ARHGEF3: variants seen among roughly 807,000 people sequenced by gnomAD.
ARHGEF3 encodes 59.8 kDA protein.
ARHGEF3 carries 28 observed loss-of-function variants against 63.2 expected under a neutral mutation model. That is an observed-to-expected ratio of 0.44 (90% confidence interval 0.33 to 0.61). The LOEUF is 0.61. Among genes scored for constraint, ARHGEF3 ranks in the 20% least tolerant of loss-of-function variants. The probability of loss-of-function intolerance (pLI) is 0.03; values close to 1 mark genes in which losing one functional copy is unlikely to be tolerated. For synonymous variants in ARHGEF3, 266 were observed against 254.2 expected (o/e 1.05, Z -0.44); for missense variants, 533 against 659.3 (o/e 0.81, Z 2.10).
At chr3:56,791,634 G>C (rs569119498) in intron 1 of ARHGEF3, among the ~76,000 whole-genome samples, 5 of 152,262 alleles carry the variant, frequency 3.3e-5, no homozygotes, top group African/African-American at 1.2e-4. Context: ...CAGAGAGACA[G>C]TGCTGCTTAT....
Position 56,943,614 on chromosome 3 carries a change from T to C in ARHGEF3, c.129+15209A>G, listed in dbSNP as rs1699300748. Reference sequence around the variant, plus strand: ...CATTTTGACTTTCAAGTTTGTTATTTAAAAAATACATCTCTTTAGGTCAGG... The same window carrying C: ...CATTTTGACTTTCAAGTTTGTTATTCAAAAAATACATCTCTTTAGGTCAGG... On this transcript the variant is annotated intron_variant, in intron 3 of 12. Transcript: ENST00000338458. Among the ~76,000 whole-genome samples the C allele has an allele frequency of 3.3e-5, 5 of 152,250 alleles. No individual in the cohort carries two copies. The South Asian group carries it at 1.0e-3, about 32-fold the overall frequency.
intron 3 of ARHGEF3, among the ~76,000 whole-genome samples, chr3:56,882,769 A>C (rs1578753486): frequency 6.6e-6 from 1 of 152,052 alleles, no homozygotes; most frequent in South Asian, 2.1e-4. Context: ...CGCCCTCCTC[A>C]GCCTCCCAAA....
intron 8 of ARHGEF3, among the ~76,000 whole-genome samples, chr3:56,736,467 C>CA (rs1481152616): frequency 1.3e-5 from 2 of 152,126 alleles, no homozygotes; most frequent in African/African-American, 4.8e-5. Context: ...AAATTGGTTT[C>CA]AAAATGCCAG....
chr3:56,822,533 G>C (rs1276397697), intron 4 of ARHGEF3, among the ~76,000 whole-genome samples: 1 of 152,122 alleles, frequency 6.6e-6, no homozygotes, highest in African/African-American at 2.4e-5. Context: ...ATATACATGT[G>C]GAAAAGCTTG....
At position 56,751,358 on chromosome 3, in the gene ARHGEF3, T is replaced by C. The variant is rs746395024; in HGVS notation, c.477A>G (p.Thr159=). 6.2e-6 allele frequency: 10 copies of C among 1,614,048 alleles called. No individual in the cohort carries two copies. The highest frequency in any genetic ancestry group is 1.7e-5 in the Admixed American group (1 of 60,000). Reference sequence around the variant, plus strand: ...CAAAAATTTGATTCAACTCTTGTTCTGTCATTATGGAGAGTTTCAGCATGG... The same window carrying C: ...CAAAAATTTGATTCAACTCTTGTTCCGTCATTATGGAGAGTTTCAGCATGG... The part of the protein sequence containing the change: ...HDPMLKLSIM[T]EQELNQIFGT... Residue 159 remains threonine, a synonymous_variant, in exon 5 of 10, where the codon ACA becomes ACG. Transcript: ENST00000296315.
chr3:56,943,006 G>C (rs943202459), intron 3 of ARHGEF3, among the ~76,000 whole-genome samples: 1 of 152,206 alleles, frequency 6.6e-6, no homozygotes, highest in Non-Finnish European at 1.5e-5. Context: ...AAGGAAAGAA[G>C]CTGTCTTCAT....
At chr3:57,076,500 G>T (rs1706228976) in intron 1 of ARHGEF3, among the ~76,000 whole-genome samples, 1 of 152,264 alleles carries the variant, frequency 6.6e-6, no homozygotes, top group African/African-American at 2.4e-5. Flanking sequence ...GACTACATCT[G>T]GTTCTCTGCC....
chr3:57,069,157 G>A (rs544677590), intron 1 of ARHGEF3, among the ~76,000 whole-genome samples: 1 of 152,090 alleles, frequency 6.6e-6, no homozygotes, highest in Non-Finnish European at 1.5e-5. Context: ...TCCTGACCTC[G>A]TGATCCACTT....
chr3:57,011,631 C>T (rs575505812), intron 2 of ARHGEF3, among the ~76,000 whole-genome samples: 33 of 152,134 alleles, frequency 2.2e-4, no homozygotes, highest in Non-Finnish European at 4.6e-4. Context: ...GTTGAGAAAT[C>T]CTAATCTAAA....
intron 3 of ARHGEF3, among the ~76,000 whole-genome samples, chr3:56,934,148 A>G (rs918003869): frequency 1.3e-5 from 2 of 152,234 alleles, no homozygotes; most frequent in Non-Finnish European, 2.9e-5. Flanking sequence ...ATGGACTAAT[A>G]CATGGATATA....
intron 2 of ARHGEF3, among the ~76,000 whole-genome samples, chr3:57,002,462 C>CTATATATATATATATGTTATATATATA (rs1293575589): frequency 1.7e-3 from 67 of 38,666 alleles, no homozygotes; most frequent in Admixed American, 4.4e-3. Context: ...GTTCTAAGCA[C>CTATATATATATATATGTTATATATATA]TATATATATA....
exon 4 of ARHGEF3, chr3:56,882,326 T>G (rs1261018097): frequency 1.9e-6 from 3 of 1,551,700 alleles, no homozygotes; most frequent in Non-Finnish European, 2.6e-6. Flanking sequence ...AACAGCATCT[T>G]CATCTTGGGT....
At chr3:57,033,575 T>C (rs1292056589) in intron 2 of ARHGEF3, among the ~76,000 whole-genome samples, 2 of 152,004 alleles carry the variant, frequency 1.3e-5, no homozygotes, top group Non-Finnish European at 2.9e-5. Flanking sequence ...AGAGTGACTT[T>C]TGTTCTACGT....
chr3:56,928,325 C>T (rs1297936276), intron 3 of ARHGEF3, among the ~76,000 whole-genome samples: 1 of 150,772 alleles, frequency 6.6e-6, no homozygotes, highest in Non-Finnish European at 1.5e-5. Flanking sequence ...TGAGGCTCAG[C>T]GAGGTTGGGT....
At chr3:56,846,721 C>G (rs191957450) in intron 4 of ARHGEF3, among the ~76,000 whole-genome samples, 34 of 152,182 alleles carry the variant, frequency 2.2e-4, no homozygotes, top group African/African-American at 7.5e-4. Flanking sequence ...TATAATTACC[C>G]CTCCTCAGAC....
intron 2 of ARHGEF3, among the ~76,000 whole-genome samples, chr3:56,773,016 TC>T (rs1424838453): frequency 6.6e-6 from 1 of 152,100 alleles, no homozygotes; most frequent in Non-Finnish European, 1.5e-5. Flanking sequence ...AGGTCCTCAT[TC>T]TAAGCCAAGG....
intron 4 of ARHGEF3, among the ~76,000 whole-genome samples, chr3:56,848,822 C>T (rs1221570353): frequency 6.6e-6 from 1 of 152,124 alleles, no homozygotes; most frequent in Admixed American, 6.6e-5. Context: ...TGCCCACCAC[C>T]ACAGCTGGCT....
intron 4 of ARHGEF3, among the ~76,000 whole-genome samples, chr3:56,752,594 G>C (rs1399711019): frequency 6.6e-6 from 1 of 152,208 alleles, no homozygotes; most frequent in Admixed American, 6.5e-5. Flanking sequence ...AAAGAGAAAA[G>C]TTTCTAGGAA....
intron 6 of ARHGEF3, among the ~76,000 whole-genome samples, chr3:56,746,156 C>T (rs939363193): frequency 3.3e-5 from 5 of 152,198 alleles, no homozygotes; most frequent in African/African-American, 7.2e-5. Flanking sequence ...GAGCTATCAG[C>T]CTCCAGAAAG....
Sources: gnomAD v4.1 joint callset for allele counts (sites outside exome capture counted in the v4.1 genomes callset) on GRCh38, gnomAD v4.1.1 for gene constraint, MANE v1.5 for transcripts, NCBI Gene and HGNC (gene_info 2026-07-23, HGNC 2026-07-21) for gene names.